Variants in SORCS3 observed in about 807,000 individuals in gnomAD.
The protein encoded by SORCS3 is VPS10 domain-containing receptor SorCS3.
SORCS3 carries 57 observed loss-of-function variants against 146.3 expected under a neutral mutation model. The ratio of observed to expected loss-of-function variants is 0.39; its 90% CI spans 0.31 to 0.49. SORCS3 has a LOEUF of 0.49. SORCS3 is among the 20% of genes least tolerant of loss of function. The pLI is 0.92. For synonymous variants in SORCS3, 653 were observed against 618.5 expected, an observed-to-expected ratio of 1.06 and a Z score of -0.83; for missense variants, 1,341 against 1,575.5, an observed-to-expected ratio of 0.85 and a Z score of 2.52.
At chr10:105,124,538 A>G (rs2055958723) in intron 7 of SORCS3, among the ~76,000 whole-genome samples, 1 of 152,074 alleles carries the variant, frequency 6.6e-6, no homozygotes, top group African/African-American at 2.4e-5. Flanking sequence ...TTTCATCTTT[A>G]CTATACCAAC....
At position 105,263,729 on chromosome 10, in the gene SORCS3, A is replaced by T. The variant is rs1375322941; in HGVS notation, c.*355A>T. Reference sequence around the variant, plus strand: ...TGTGAACCTCTCATCCCCACAGCAGAATCACCAACACTCTCCGCTTCCCCC... The same window carrying T: ...TGTGAACCTCTCATCCCCACAGCAGTATCACCAACACTCTCCGCTTCCCCC... On this transcript the variant is annotated 3_prime_UTR_variant, in exon 27 of 27. Transcript: ENST00000369701. The T allele has an allele frequency of 4.1e-6, 1 of 245,848 alleles. No homozygotes were observed. Among genetic ancestry groups the T allele is most frequent in the Non-Finnish European group, 8.1e-6 (1 of 124,174 alleles). The allele number at this position is 245,848 out of a possible 1,614,324, so 15.2% of individuals were successfully genotyped here. A position where few individuals can be genotyped will look rare whatever the true frequency, so the allele number is the denominator to read the frequency against.
intron 7 of SORCS3, among the ~76,000 whole-genome samples, chr10:105,112,504 G>A (rs1206535668): frequency 6.6e-6 from 1 of 152,276 alleles, no homozygotes; most frequent in African/African-American, 2.4e-5. Flanking sequence ...GACCAACAGA[G>A]TAGCTTTTCC....
At chr10:104,812,571 T>C (rs1210481770) in intron 1 of SORCS3, among the ~76,000 whole-genome samples, 2 of 152,250 alleles carry the variant, frequency 1.3e-5, no homozygotes, top group Non-Finnish European at 2.9e-5. Flanking sequence ...TGTTGGAATA[T>C]TCCAGTGAGT....
intron 20 of SORCS3, among the ~76,000 whole-genome samples, chr10:105,245,125 T>C (rs2056858306): frequency 6.7e-6 from 1 of 148,780 alleles, no homozygotes; most frequent in Non-Finnish European, 1.5e-5. Context: ...AGTAAATAAC[T>C]ATGTGATCAC....
rs143198393 is a variant in SORCS3 at position 105,129,617 on chromosome 10, C to A, written c.1213-9780C>A. On this transcript the variant is annotated intron_variant, in intron 7 of 26. Transcript: ENST00000369701. ...AATGATAATTCAAGTTCGTATCTGT[C>A]CTTTTGTATTTCTGCCCTTATCTTT... is the stretch of plus-strand genomic sequence containing the variant. 8.3e-3 allele frequency among the ~76,000 whole-genome samples: 1,259 copies of A among 151,488 alleles called. 5 individuals are homozygous for A. The highest frequency in any genetic ancestry group is 0.013 in the Non-Finnish European group (898 of 67,854).
chr10:104,724,970 T>G (rs937124956), intron 1 of SORCS3, among the ~76,000 whole-genome samples: 3 of 152,262 alleles, frequency 2.0e-5, no homozygotes, highest in Non-Finnish European at 4.4e-5. Flanking sequence ...CCTTCTTCTC[T>G]CAACTCGTCA....
chr10:104,763,313 C>T (rs2017143316), intron 1 of SORCS3, among the ~76,000 whole-genome samples: 1 of 152,204 alleles, frequency 6.6e-6, no homozygotes, highest in Non-Finnish European at 1.5e-5. Context: ...CCAATCAACA[C>T]TTGTTGATTA....
chr10:104,776,961 G>A (rs577899307), intron 1 of SORCS3, among the ~76,000 whole-genome samples: 19 of 147,528 alleles, frequency 1.3e-4, no homozygotes, highest in African/African-American at 4.7e-4. Context: ...AACAAAAAAG[G>A]TACATAAGGG....
chr10:105,200,762 G>A (rs1453030128), intron 15 of SORCS3, among the ~76,000 whole-genome samples: 1 of 152,126 alleles, frequency 6.6e-6, no homozygotes, highest in East Asian at 1.9e-4. Flanking sequence ...CCATAAATGG[G>A]CTCCTTTCCA....
chr10:104,774,806 A>G (rs2017290639), intron 1 of SORCS3, among the ~76,000 whole-genome samples: 1 of 152,162 alleles, frequency 6.6e-6, no homozygotes, highest in Non-Finnish European at 1.5e-5. Context: ...ACCTTAGTTT[A>G]CCTCTCTAGT....
intron 7 of SORCS3, among the ~76,000 whole-genome samples, chr10:105,121,927 G>T (rs964949082): frequency 3.4e-4 from 52 of 152,052 alleles, no homozygotes; most frequent in African/African-American, 1.2e-3. Context: ...TATGCATTTG[G>T]AGTGGGAGGA....
intron 5 of SORCS3, among the ~76,000 whole-genome samples, chr10:105,055,066 G>A (rs1336177085): frequency 6.6e-6 from 1 of 152,032 alleles, no homozygotes; most frequent in Non-Finnish European, 1.5e-5. Flanking sequence ...TTGAGTATTG[G>A]CCACATGGTT....
intron 7 of SORCS3, among the ~76,000 whole-genome samples, chr10:105,110,408 T>C (rs1050993022): frequency 2.0e-5 from 3 of 152,144 alleles, no homozygotes; most frequent in Non-Finnish European, 4.4e-5. Context: ...TCCCTTTCTG[T>C]CTTTTATTTT....
chr10:105,259,664 T>A (rs1319120205), intron 25 of SORCS3, among the ~76,000 whole-genome samples: 1 of 152,188 alleles, frequency 6.6e-6, no homozygotes, highest in Non-Finnish European at 1.5e-5. Context: ...TTTCTTTCCA[T>A]AACTGAAGAT....
intron 3 of SORCS3, among the ~76,000 whole-genome samples, chr10:104,969,826 G>A (rs991538837): frequency 6.6e-6 from 1 of 151,144 alleles, no homozygotes; most frequent in African/African-American, 2.5e-5. Flanking sequence ...ATGTGCATTT[G>A]GGTATGCAAG....
At chr10:105,028,124 A>T (rs939510811) in intron 4 of SORCS3, among the ~76,000 whole-genome samples, 9 of 152,232 alleles carry the variant, frequency 5.9e-5, no homozygotes, top group South Asian at 2.1e-4. Flanking sequence ...GTGTGTGTGT[A>T]TTTGCTTACT....
chr10:105,185,440 C>T (rs1166768921), intron 14 of SORCS3, among the ~76,000 whole-genome samples: 3 of 152,124 alleles, frequency 2.0e-5, no homozygotes, highest in East Asian at 3.9e-4. Context: ...TGTTTCTGCC[C>T]CACCCCTCAC....
chr10:104,731,722 C>G (rs907649071), intron 1 of SORCS3, among the ~76,000 whole-genome samples: 1 of 151,722 alleles, frequency 6.6e-6, no homozygotes, highest in Non-Finnish European at 1.5e-5. Context: ...GTAGATTTAC[C>G]GAGCTGTGAG....
At chr10:104,662,529 A>C (rs1275658761) in intron 1 of SORCS3, among the ~76,000 whole-genome samples, 2 of 152,174 alleles carry the variant, frequency 1.3e-5, no homozygotes, top group African/African-American at 4.8e-5. Context: ...TCCTTACTTG[A>C]TGAGTTACAG....
Sources: allele counts gnomAD v4.1 joint callset (sites outside exome capture counted in the v4.1 genomes callset), GRCh38; gene constraint gnomAD v4.1.1; transcripts MANE v1.5; gene names NCBI Gene and HGNC (gene_info 2026-07-23, HGNC 2026-07-21).